The following CCNH variants were observed in gnomAD, a reference collection of about 807,000 sequenced individuals.
CCNH encodes the protein cyclin H.
CCNH carries 31 observed loss-of-function variants against 41.9 expected under a neutral mutation model. That is an observed-to-expected ratio of 0.74 (90% confidence interval 0.56 to 1.00). The LOEUF is 1.00. Among genes scored for constraint, CCNH ranks in the 50% least tolerant of loss-of-function variants. The probability of loss-of-function intolerance (pLI) is 0.00; values close to 1 mark genes in which losing one functional copy is unlikely to be tolerated. For missense variants in CCNH, 362 were observed against 388.4 expected, an observed-to-expected ratio of 0.93 and a Z score of 0.57; for synonymous variants, 138 against 136.1, an observed-to-expected ratio of 1.01 and a Z score of -0.10.
chr5:87,336,392 A>G (rs1757973153), intron 9 of CCNH, among the ~76,000 whole-genome samples: 1 of 152,106 alleles, frequency 6.6e-6, no homozygotes. Context: ...TAGCTGATCT[A>G]GGAAGATGGG....
the CCNH span, among the ~76,000 whole-genome samples, chr5:87,313,023 G>T: frequency 6.6e-6 from 1 of 152,320 alleles, no homozygotes; most frequent in South Asian, 2.1e-4. Flanking sequence ...GAGACTGTGA[G>T]TGTTTTCCCT....
At chr5:87,376,800 A>T in exon 1 of CCNH, 6 of 1,405,296 alleles carry the variant, frequency 4.3e-6, no homozygotes, top group Non-Finnish European at 6.0e-6. Context: ...GAACTTGTGA[A>T]AGAACATATT....
At chr5:87,314,837 G>A (rs1161775463), downstream of CCNH, among the ~76,000 whole-genome samples, 2 of 152,176 alleles carry the variant, frequency 1.3e-5, no homozygotes, top group African/African-American at 4.8e-5. Flanking sequence ...TAAGGTTGAT[G>A]GGAGAGTTAG....
chr5:87,411,412 TTC>T, intron 1 of CCNH, 66 bp from the exon 2 acceptor site: 6 of 1,484,716 alleles, frequency 4.0e-6, no homozygotes, highest in Non-Finnish European at 3.6e-6. Context: ...TAAAACATTT[TTC>T]TCTATCTAGA....
At chr5:87,412,565 G>C in intron 1 of CCNH, 113 bp downstream of exon 1, 9 of 1,486,474 alleles carry the variant, frequency 6.1e-6, no homozygotes, top group Non-Finnish European at 8.1e-6. Context: ...CGCACTCCGC[G>C]CCGCAGAGGC....
chr5:87,314,290 C>T (rs1306417975), downstream of CCNH, among the ~76,000 whole-genome samples: 1 of 152,164 alleles, frequency 6.6e-6, no homozygotes, highest in African/African-American at 2.4e-5. Flanking sequence ...GAATGCTGTA[C>T]CAGTTGTTTA....
intron 9 of CCNH, among the ~76,000 whole-genome samples, chr5:87,319,786 T>C (rs775705065): frequency 1.3e-5 from 2 of 152,242 alleles, no homozygotes; most frequent in Non-Finnish European, 2.9e-5. Context: ...TTGTTATTTA[T>C]GTAAATTTCT....
intron 5 of CCNH, among the ~76,000 whole-genome samples, chr5:87,403,913 G>A (rs1763602746): frequency 6.6e-6 from 1 of 152,218 alleles, no homozygotes; most frequent in Non-Finnish European, 1.5e-5. Context: ...GTGTAGTACA[G>A]TGCATAGTAG....
At chr5:87,376,531 T>C in exon 1 of CCNH, 1 of 1,613,986 alleles carries the variant, frequency 6.2e-7, no homozygotes. Flanking sequence ...ATGGAAAAAA[T>C]CATGCCAGAA....
intron 4 of CCNH, among the ~76,000 whole-genome samples, chr5:87,405,866 C>A (rs1044665013): frequency 6.6e-6 from 1 of 152,012 alleles, no homozygotes; most frequent in Admixed American, 6.6e-5. Flanking sequence ...CAAACTTTCG[C>A]TTTGCAACTA....
downstream of CCNH, among the ~76,000 whole-genome samples, chr5:87,316,972 TC>T (rs1303413556): frequency 2.0e-5 from 3 of 151,738 alleles, no homozygotes. Flanking sequence ...AACCTCTACC[TC>T]CTGGATTCAA....
At chr5:87,378,333 T>G, upstream of CCNH, 1 of 1,564,478 alleles carries the variant, frequency 6.4e-7, no homozygotes, top group Non-Finnish European at 8.8e-7. Flanking sequence ...TCACTTAATT[T>G]CCAATTTGGT....
intron 1 of CCNH, among the ~76,000 whole-genome samples, chr5:87,412,163 G>A (rs1173298718): frequency 6.6e-6 from 1 of 152,144 alleles, no homozygotes; most frequent in East Asian, 1.9e-4. Flanking sequence ...CAGTGGAAAT[G>A]TTAAACGCCT....
rs7735743 is a variant in CCNH, at chr5:87,395,644, G to A, written c.873-540C>T. ...TCCCAGCTCTTTAGGAGGCCGAGGCGTCAGATCGCCTGAGCCCAAGAGTTT... is the reference window on the plus strand; with the variant it reads ...TCCCAGCTCTTTAGGAGGCCGAGGCATCAGATCGCCTGAGCCCAAGAGTTT... On this transcript the variant is annotated intron_variant, in intron 7 of 8. Coordinates refer to ENST00000256897, the MANE Select transcript of CCNH (RefSeq NM_001239.4). Among the ~76,000 whole-genome samples the A allele has an allele frequency of 4.9e-3, 743 of 152,276 alleles. 4 individuals carry two copies. Among genetic ancestry groups the A allele is most frequent in the African/African-American group, 0.017 (705 of 41,562 alleles).
chr5:87,370,142 A>G (rs1367197906), intron 9 of CCNH, among the ~76,000 whole-genome samples: 1 of 152,184 alleles, frequency 6.6e-6, no homozygotes, highest in African/African-American at 2.4e-5. Flanking sequence ...TAAATACTCT[A>G]TGATGTTGAG....
At chr5:87,389,582 A>G, downstream of CCNH, 1 of 1,594,922 alleles carries the variant, frequency 6.3e-7, no homozygotes, top group Non-Finnish European at 8.6e-7. Flanking sequence ...ACACTTAGAG[A>G]GTTAATAAAT....
upstream of CCNH, chr5:87,377,270 C>T (rs1761391243): frequency 1.8e-6 from 1 of 547,206 alleles, no homozygotes; most frequent in African/African-American, 1.9e-5. Flanking sequence ...CTAGAAGCCA[C>T]AAGAAGGTGG....
At chr5:87,321,842 C>T (rs1227871831) in intron 9 of CCNH, among the ~76,000 whole-genome samples, 2 of 152,210 alleles carry the variant, frequency 1.3e-5, no homozygotes, top group Non-Finnish European at 2.9e-5. Context: ...ATAGGACCCT[C>T]TCTGAAATGA....
At chr5:87,333,391 G>C in intron 9 of CCNH, 1 of 1,601,966 alleles carries the variant, frequency 6.2e-7, no homozygotes, top group Non-Finnish European at 8.5e-7. Context: ...AGACTTCGAA[G>C]ATTTATTACT....
Sources: gnomAD v4.1 joint callset for allele counts (sites outside exome capture counted in the v4.1 genomes callset) on GRCh38, gnomAD v4.1.1 for gene constraint, MANE v1.5 for transcripts, NCBI Gene and HGNC (gene_info 2026-07-23, HGNC 2026-07-21) for gene names.